The following KCMF1 variants were observed in gnomAD, a reference collection of about 807,000 sequenced individuals.
KCMF1 encodes the protein potassium channel modulatory factor 1.
A neutral mutation model predicts 41.1 loss-of-function variants in KCMF1; 3 were observed. That is an observed-to-expected ratio of 0.07 (90% CI 0.03 to 0.19). The LOEUF (loss-of-function observed/expected upper bound fraction) is 0.19, where lower values mean the gene tolerates loss of function less well. Ranked by LOEUF, KCMF1 falls within the 10% of genes least tolerant of loss-of-function variation. The pLI is 1.00. For synonymous variants in KCMF1, 142 were observed against 164.5 expected, an observed-to-expected ratio of 0.86 and a Z score of 1.04; for missense variants, 286 against 488.9, an observed-to-expected ratio of 0.58 and a Z score of 3.91.
chr2:85,030,123 T>A (rs1675229635), intron 2 of KCMF1, among the ~76,000 whole-genome samples: 1 of 152,226 alleles, frequency 6.6e-6, no homozygotes, highest in East Asian at 1.9e-4. Context: ...TTTCTTGTGC[T>A]TATGGGCCAT....
At chr2:85,032,163 T>C (rs1028174274) in intron 2 of KCMF1, among the ~76,000 whole-genome samples, 10 of 152,004 alleles carry the variant, frequency 6.6e-5, no homozygotes, top group African/African-American at 2.4e-4. Context: ...GTGGTTTGTT[T>C]TGTTTGTTGG....
intron 1 of KCMF1, among the ~76,000 whole-genome samples, chr2:85,025,912 T>G (rs868777052): frequency 7.9e-5 from 12 of 152,190 alleles, no homozygotes; most frequent in African/African-American, 2.9e-4. Context: ...TTAGCTGTAT[T>G]TGGGTTTTCA....
chr2:85,004,149 T>C (rs537976987), intron 1 of KCMF1, among the ~76,000 whole-genome samples: 47 of 152,290 alleles, frequency 3.1e-4, no homozygotes, highest in African/African-American at 1.1e-3. Context: ...TATGAATTGT[T>C]TGTCTCTGGA....
chr2:85,039,318 G>A (rs1294120581), intron 3 of KCMF1, among the ~76,000 whole-genome samples: 1 of 152,118 alleles, frequency 6.6e-6, no homozygotes, highest in Non-Finnish European at 1.5e-5. Flanking sequence ...AGTACCCATC[G>A]AGAGAATGCT....
chr2:84,993,476 G>A (rs2103979901), intron 1 of KCMF1, among the ~76,000 whole-genome samples: 1 of 152,060 alleles, frequency 6.6e-6, no homozygotes, highest in Middle Eastern at 3.4e-3. Context: ...ACACATAGTT[G>A]ATGTACTCCC....
intron 1 of KCMF1, among the ~76,000 whole-genome samples, chr2:84,982,277 T>A (rs940229796): frequency 2.0e-5 from 3 of 151,986 alleles, no homozygotes; most frequent in Non-Finnish European, 4.4e-5. Context: ...TCCTCTGTGG[T>A]TGTAGAGGTT....
At chr2:85,033,459 G>A (rs1675330562) in intron 2 of KCMF1, among the ~76,000 whole-genome samples, 1 of 152,186 alleles carries the variant, frequency 6.6e-6, no homozygotes, top group Non-Finnish European at 1.5e-5. Flanking sequence ...GGCTAAAGGG[G>A]CCAAGATTGT....
intron 1 of KCMF1, 24 bp downstream of exon 1, chr2:84,971,491 C>G: frequency 8.1e-7 from 1 of 1,230,726 alleles, no homozygotes; most frequent in East Asian, 4.4e-5. Flanking sequence ...CCGCCCCCAC[C>G]CGCACCTCCC....
intron 1 of KCMF1, among the ~76,000 whole-genome samples, chr2:85,022,326 T>C (rs1674965582): frequency 6.6e-6 from 1 of 151,942 alleles, no homozygotes; most frequent in African/African-American, 2.4e-5. Flanking sequence ...ATACAAAAAT[T>C]ATGCGGGCAT....
intron 4 of KCMF1, 77 bp downstream of exon 4, chr2:85,043,742 A>G: frequency 9.9e-7 from 1 of 1,008,944 alleles, no homozygotes; most frequent in Non-Finnish European, 1.5e-6. Context: ...TGGAGACAAG[A>G]TCTCGCTGTG....
At chr2:85,007,575 G>A (rs1053782882) in intron 1 of KCMF1, among the ~76,000 whole-genome samples, 1 of 152,196 alleles carries the variant, frequency 6.6e-6, no homozygotes, top group African/African-American at 2.4e-5. Context: ...GGTGAAATGA[G>A]ATCAGCTGAA....
At chr2:85,008,429 A>G (rs2104000667) in intron 1 of KCMF1, among the ~76,000 whole-genome samples, 1 of 111,484 alleles carries the variant, frequency 9.0e-6, no homozygotes, top group African/African-American at 3.1e-5. Context: ...TGTGATATAT[A>G]TGATATATAC....
At chr2:85,006,150 AGTTT>A (rs1478091024) in intron 1 of KCMF1, among the ~76,000 whole-genome samples, 2 of 151,078 alleles carry the variant, frequency 1.3e-5, no homozygotes, top group African/African-American at 2.4e-5. Flanking sequence ...TTGTCATTTG[AGTTT>A]GTTTATGGAA....
intron 4 of KCMF1, 25 bp from the exon 5 acceptor site, chr2:85,046,079 G>A (rs374347171): frequency 3.2e-5 from 50 of 1,577,376 alleles, no homozygotes; most frequent in African/African-American, 9.6e-5. Context: ...AAATACTTTC[G>A]TTTTTTTCTT....
intron 1 of KCMF1, among the ~76,000 whole-genome samples, chr2:85,024,186 G>A (rs917888541): frequency 6.6e-6 from 1 of 152,098 alleles, no homozygotes; most frequent in Admixed American, 6.5e-5. Flanking sequence ...GTGAAAAGAC[G>A]AAGAAAAAGG....
Position 85,043,596 on chromosome 2 carries a change from C to T in KCMF1, c.357C>T (p.Gly119=), listed in dbSNP as rs1675594706. 3 of 1,612,424 alleles carry T rather than the reference C, an allele frequency of 1.9e-6. No individual in the cohort carries two copies. Among genetic ancestry groups the T allele is most frequent in the Non-Finnish European group, 8.5e-7 (1 of 1,178,882 alleles). The change falls in exon 4 of 7, where the codon GGC becomes GGT. Residue 119 remains glycine, a synonymous_variant. Transcript: ENST00000409785. ...ICPICAALPG[G]DPNHVTDDFA... is the part of the protein sequence containing the mutation. ...CAATATGTGCAGCGTTACCTGGAGG[C>T]GATCCTAATCATGTCACGGATGACT... is the stretch of plus-strand genomic sequence containing the variant.
chr2:84,973,147 C>G (rs76191354), intron 1 of KCMF1, among the ~76,000 whole-genome samples: 2,340 of 152,282 alleles, frequency 0.015, 30 homozygotes, highest in South Asian at 0.063. Context: ...CTCTTGAAAA[C>G]TGGGAGGGTT....
chr2:84,999,867 AG>A (rs1364277520), intron 1 of KCMF1, among the ~76,000 whole-genome samples: 1 of 152,302 alleles, frequency 6.6e-6, no homozygotes, highest in African/African-American at 2.4e-5. Flanking sequence ...ACAGGAGACA[AG>A]GAAGTGAGGA....
chr2:85,035,489 G>C (rs1020768016), intron 3 of KCMF1, among the ~76,000 whole-genome samples: 1 of 152,186 alleles, frequency 6.6e-6, no homozygotes, highest in African/African-American at 2.4e-5. Context: ...TAGTATCCTT[G>C]CTATCTGCTT....
Sources: allele counts gnomAD v4.1 joint callset (sites outside exome capture counted in the v4.1 genomes callset), GRCh38; gene constraint gnomAD v4.1.1; transcripts MANE v1.5; gene names NCBI Gene and HGNC (gene_info 2026-07-23, HGNC 2026-07-21).